Variants in KIF21A observed in about 807,000 individuals in gnomAD.
KIF21A encodes kinesin-like protein KIF21A.
KIF21A carries 114 observed loss-of-function variants against 202.9 expected under a neutral mutation model. The observed-to-expected ratio is 0.56, with a 90% CI of 0.48 to 0.66. KIF21A has a LOEUF of 0.66. Among genes scored for constraint, KIF21A ranks in the 30% least tolerant of loss-of-function variants. KIF21A has a pLI of 0.00. For synonymous variants in KIF21A, 667 were observed against 670.8 expected (o/e 0.99, Z 0.09); for missense variants, 1,677 against 1,994.9 (o/e 0.84, Z 3.04).
intron 1 of KIF21A, among the ~76,000 whole-genome samples, chr12:39,394,345 C>G (rs1456982975): frequency 5.3e-5 from 8 of 152,194 alleles, no homozygotes; most frequent in Non-Finnish European, 1.5e-5. Context: ...GCATGTGGCT[C>G]TATCCAAGCA....
chr12:39,416,583 G>T (rs1953612309), intron 1 of KIF21A, among the ~76,000 whole-genome samples: 1 of 146,006 alleles, frequency 6.8e-6, no homozygotes, highest in Non-Finnish European at 1.5e-5. Context: ...GTGACAGAGT[G>T]AGATCCGCCT....
At chr12:39,317,412 G>T (rs1003704673) in intron 29 of KIF21A, among the ~76,000 whole-genome samples, 3 of 152,076 alleles carry the variant, frequency 2.0e-5, no homozygotes, top group Admixed American at 6.5e-5. Flanking sequence ...TGGCAGTATT[G>T]TTAGTATGGC....
chr12:39,357,184 A>G lies in KIF21A; in HGVS notation c.1405+64T>C. 28 of 1,381,784 alleles carry G rather than the reference A, an allele frequency of 2.0e-5. No individual in the cohort carries two copies. The South Asian group carries it at 3.2e-4, about 16-fold the overall frequency. The allele number at this position is 1,381,784 out of a possible 1,614,324, so 85.6% of individuals were successfully genotyped here. ...TTCAACTATGCTAGGTAATTAGTGA[A>G]CACAAAGAATGTTCCCTGCCCTCCA... On this transcript the variant is annotated intron_variant, in intron 9 of 37. Transcript: ENST00000361418.
At chr12:39,436,421 ATTAT>A (rs1168495751) in intron 1 of KIF21A, among the ~76,000 whole-genome samples, 1 of 88,578 alleles carries the variant, frequency 1.1e-5, no homozygotes, top group African/African-American at 6.1e-5. Context: ...GGTTTACTAT[ATTAT>A]ATATATATAT....
intron 1 of KIF21A, among the ~76,000 whole-genome samples, chr12:39,435,123 T>C (rs1220206955): frequency 6.6e-6 from 1 of 152,158 alleles, no homozygotes. Flanking sequence ...AGCCTCTGGG[T>C]GGGTCCATTC....
At chr12:39,397,626 G>A (rs1163001863) in intron 1 of KIF21A, among the ~76,000 whole-genome samples, 2 of 152,198 alleles carry the variant, frequency 1.3e-5, no homozygotes, top group African/African-American at 2.4e-5. Context: ...CATACTGTAG[G>A]TACTCAAGCA....
At chr12:39,327,489 A>G (rs921827651) in intron 24 of KIF21A, among the ~76,000 whole-genome samples, 2 of 152,248 alleles carry the variant, frequency 1.3e-5, no homozygotes, top group African/African-American at 2.4e-5. Context: ...TATGTTATAA[A>G]GAAATGACAA....
chr12:39,331,169 G>A, intron 22 of KIF21A, among the ~76,000 whole-genome samples: 1 of 151,636 alleles, frequency 6.6e-6, no homozygotes, highest in East Asian at 1.9e-4. Context: ...TGAAAATTAA[G>A]TGAGATGGCA....
At chr12:39,421,863 A>G (rs1368903562) in intron 1 of KIF21A, among the ~76,000 whole-genome samples, 1 of 147,768 alleles carries the variant, frequency 6.8e-6, no homozygotes, top group Non-Finnish European at 1.5e-5. Flanking sequence ...TTATATATAT[A>G]AATAATAAAC....
At position 39,357,364 on chromosome 12, in the gene KIF21A, G is replaced by T. The variant is rs1592312677; in HGVS notation, c.1289C>A (p.Thr430Asn). 6.2e-7 allele frequency: 1 copy of T among 1,614,032 alleles called. No homozygotes were observed. Among genetic ancestry groups the T allele is most frequent in the Non-Finnish European group, 8.5e-7 (1 of 1,179,916 alleles). ...DMFHENAMLQ[T>N]ENNNLRVRIK... is the part of the protein sequence containing the mutation. ...TCTTACACGCAGGTTATTATTTTCA[G>T]TCTGTAGCATAGCATTCTCATGAAA... The change falls in exon 9 of 38, where the codon ACT (threonine) becomes AAT (asparagine). Residue 430 changes from threonine to asparagine, a missense_variant. This residue lies in a region of KIF21A where 966 missense variants were observed against 1,180.9 expected (regional missense o/e 0.82). Coordinates refer to ENST00000361418, the MANE Select transcript of KIF21A (RefSeq NM_001173464.2).
At chr12:39,412,915 C>G (rs1358351903) in intron 1 of KIF21A, among the ~76,000 whole-genome samples, 1 of 152,094 alleles carries the variant, frequency 6.6e-6, no homozygotes, top group Non-Finnish European at 1.5e-5. Flanking sequence ...ATACAGTTTA[C>G]CAGAGTACCA....
chr12:39,416,496 C>G (rs1200035171), intron 1 of KIF21A, among the ~76,000 whole-genome samples: 1 of 151,134 alleles, frequency 6.6e-6, no homozygotes, highest in South Asian at 2.1e-4. Flanking sequence ...CTCAGGAGGC[C>G]GAGGCAGGAG....
At chr12:39,361,581 G>GCCTCCGCT (rs1461606397) in intron 7 of KIF21A, among the ~76,000 whole-genome samples, 11 of 55,266 alleles carry the variant, frequency 2.0e-4, no homozygotes, top group African/African-American at 1.6e-3. Flanking sequence ...GAGTGCAGTG[G>GCCTCCGCT]CACGATCTCC....
At chr12:39,316,289 C>A (rs1454428823) in intron 29 of KIF21A, among the ~76,000 whole-genome samples, 2 of 152,064 alleles carry the variant, frequency 1.3e-5, no homozygotes, top group African/African-American at 4.8e-5. Context: ...TATAGCACTT[C>A]AAGGTTTGCT....
chr12:39,309,508 T>A (rs1376780379), intron 33 of KIF21A, 78 bp downstream of exon 33: 1 of 1,044,992 alleles, frequency 9.6e-7, no homozygotes, highest in Admixed American at 2.3e-5. Context: ...TATAGTCCTC[T>A]CTTTTCTTAT....
chr12:39,294,621 C>T, intron 37 of KIF21A, 104 bp from the exon 38 acceptor site: 1 of 808,076 alleles, frequency 1.2e-6, no homozygotes. Context: ...CATAGGTCTT[C>T]AAGAAATCCA....
At chr12:39,346,556 C>A in intron 11 of KIF21A, 52 bp from the exon 12 acceptor site, 3 of 1,296,688 alleles carry the variant, frequency 2.3e-6, no homozygotes, top group Non-Finnish European at 2.0e-6. Context: ...GAAGGACAAA[C>A]CAGACAGTAA....
intron 1 of KIF21A, among the ~76,000 whole-genome samples, chr12:39,374,438 C>T (rs866412210): frequency 6.6e-6 from 1 of 152,106 alleles, no homozygotes; most frequent in Non-Finnish European, 1.5e-5. Context: ...AACTGACTAA[C>T]ACTAAGAAAT....
At chr12:39,299,649 C>T (rs2137080486) in intron 37 of KIF21A, among the ~76,000 whole-genome samples, 1 of 152,228 alleles carries the variant, frequency 6.6e-6, no homozygotes, top group South Asian at 2.1e-4. Flanking sequence ...GACACACGCA[C>T]ACAAATGTTC....
Sources: gnomAD v4.1 joint callset for allele counts (sites outside exome capture counted in the v4.1 genomes callset) on GRCh38, gnomAD v4.1.1 for gene constraint, gnomAD v4.1.1 regional missense constraint, MANE v1.5 for transcripts, NCBI Gene and HGNC (gene_info 2026-07-23, HGNC 2026-07-21) for gene names.